SCIN: variants seen among roughly 807,000 people sequenced by gnomAD.
SCIN encodes scinderin.
In SCIN, 91 loss-of-function variants were observed where a neutral mutation model predicts 91.8. The ratio of observed to expected loss-of-function variants is 0.99; its 90% CI spans 0.84 to 1.18. The LOEUF is 1.18. Among genes scored for constraint, SCIN ranks in the 50% most tolerant of loss-of-function variants. The pLI is 0.00. For synonymous variants in SCIN, 367 were observed against 312.6 expected, an observed-to-expected ratio of 1.17 and a Z score of -1.84; for missense variants, 1,087 against 863.9, an observed-to-expected ratio of 1.26 and a Z score of -3.24.
At chr7:12,614,057 G>A (rs1270940589) in intron 4 of SCIN, among the ~76,000 whole-genome samples, 2 of 152,180 alleles carry the variant, frequency 1.3e-5, no homozygotes, top group South Asian at 2.1e-4. Context: ...CTGATAGAGT[G>A]CATGTAGAGA....
At chr7:12,624,693 A>G (rs914746953) in intron 5 of SCIN, among the ~76,000 whole-genome samples, 5 of 152,204 alleles carry the variant, frequency 3.3e-5, no homozygotes, top group African/African-American at 1.2e-4. Context: ...GACCTCAGCC[A>G]TTATTATTAT....
At chr7:12,590,773 G>T (rs1445764102) in intron 3 of SCIN, among the ~76,000 whole-genome samples, 2 of 152,174 alleles carry the variant, frequency 1.3e-5, no homozygotes, top group African/African-American at 4.8e-5. Context: ...GCTGGGAGGT[G>T]TGTGGCCTGA....
intron 4 of SCIN, among the ~76,000 whole-genome samples, chr7:12,606,061 C>G (rs1783075334): frequency 2.0e-5 from 3 of 152,096 alleles, no homozygotes; most frequent in African/African-American, 7.2e-5. Context: ...ATTAAGATGT[C>G]TTCATACGTA....
chr7:12,629,225 G>A lies in SCIN; in HGVS notation c.1319+3G>A, dbSNP rs987825974. 2 of 1,596,966 alleles carry A rather than the reference G, an allele frequency of 1.3e-6. No individual in the cohort carries two copies. Among genetic ancestry groups the A allele is most frequent in the African/African-American group, 1.3e-5 (1 of 74,326 alleles). ...AGAGGACAGATTATCTACACGTGGT[G>A]AGTTTATACGGGTAAAGATCTCGAG... On this transcript the variant is annotated splice_donor_region_variant and intron_variant, in intron 9 of 15. Transcript: ENST00000297029.
Position 12,660,178 on chromosome 7 carries a change from C to G in SCIN, c.*7463C>G, listed in dbSNP as rs1344593431. 1.3e-5 allele frequency: 2 copies of G among 153,328 alleles called. No homozygotes were observed. The highest frequency in any genetic ancestry group is 2.4e-5 in the African/African-American group (1 of 41,448). 9.5% of individuals were successfully genotyped at this position (153,328 alleles called of 1,614,324 possible). ...TGAAATAAACAGCCTTGTTGCTAAC[C>G]CAAAGCCTGTTTGGTGGTCTCTTTA... is the stretch of plus-strand genomic sequence containing the variant. On this transcript the variant is annotated 3_prime_UTR_variant, in exon 16 of 16. Transcript: ENST00000297029.
intron 4 of SCIN, among the ~76,000 whole-genome samples, chr7:12,616,619 C>T (rs754030960): frequency 6.6e-6 from 1 of 152,068 alleles, no homozygotes; most frequent in Non-Finnish European, 1.5e-5. Context: ...AACCTGTTAA[C>T]CATTGTAGAC....
At chr7:12,578,244 A>G in intron 2 of SCIN, 26 bp downstream of exon 2, 1 of 1,535,350 alleles carries the variant, frequency 6.5e-7, no homozygotes, top group Non-Finnish European at 8.8e-7. Flanking sequence ...AGTTTCCATT[A>G]TGAATCCCTT....
intron 11 of SCIN, among the ~76,000 whole-genome samples, chr7:12,641,741 G>T (rs1783863480): frequency 6.6e-6 from 1 of 151,862 alleles, no homozygotes; most frequent in African/African-American, 2.4e-5. Flanking sequence ...GCACATTCTG[G>T]CAATTCTCCA....
Position 12,654,852 on chromosome 7 carries a change from C to T in SCIN, c.*2137C>T, listed in dbSNP as rs1562641055. The T allele has an allele frequency of 6.6e-6, 1 of 152,264 alleles. No homozygotes were observed. The highest frequency in any genetic ancestry group is 3.4e-3 in the Middle Eastern group (1 of 294). 9.4% of individuals were successfully genotyped at this position (152,264 alleles called of 1,614,324 possible). ...GAGAGCCTAAAATGATTATTCAGTT[C>T]TGTTGCAGGGTTTTAACCTGCCCAA... On this transcript the variant is annotated 3_prime_UTR_variant, in exon 16 of 16. Transcript: ENST00000297029.
At chr7:12,585,836 G>C (rs1414887817) in intron 3 of SCIN, among the ~76,000 whole-genome samples, 1 of 152,196 alleles carries the variant, frequency 6.6e-6, no homozygotes, top group Non-Finnish European at 1.5e-5. Context: ...GTTGCAGATG[G>C]ATTCCTTTGC....
intron 9 of SCIN, among the ~76,000 whole-genome samples, chr7:12,633,931 C>T (rs1783695935): frequency 6.6e-6 from 1 of 150,468 alleles, no homozygotes; most frequent in South Asian, 2.1e-4. Context: ...TTAGGGAAAG[C>T]ATTTTTTATT....
chr7:12,585,250 G>A (rs1176552513), intron 3 of SCIN, among the ~76,000 whole-genome samples: 5 of 152,036 alleles, frequency 3.3e-5, no homozygotes, highest in South Asian at 2.1e-4. Flanking sequence ...CATTATGCAC[G>A]TGATTCTTGT....
chr7:12,581,335 AC>A, intron 3 of SCIN, 114 bp downstream of exon 3: 1 of 1,025,682 alleles, frequency 9.7e-7, no homozygotes, highest in South Asian at 1.7e-5. Flanking sequence ...GAAAGGGGCC[AC>A]GTTTATGTGA....
intron 4 of SCIN, among the ~76,000 whole-genome samples, chr7:12,614,736 A>G (rs1783264973): frequency 6.6e-6 from 1 of 152,196 alleles, no homozygotes; most frequent in Non-Finnish European, 1.5e-5. Context: ...AATGTCCCAG[A>G]ACCTGCCTTG....
At chr7:12,625,232 A>G in intron 6 of SCIN, 90 bp downstream of exon 6, 1 of 1,213,196 alleles carries the variant, frequency 8.2e-7, no homozygotes, top group African/African-American at 1.6e-5. Context: ...ATTTTAAAAA[A>G]AAGCCCACCT....
intron 3 of SCIN, among the ~76,000 whole-genome samples, chr7:12,590,691 C>T (rs530599172): frequency 3.3e-5 from 5 of 151,856 alleles, no homozygotes; most frequent in South Asian, 2.1e-4. Context: ...GCTGCCTCAT[C>T]GGCCTTTCTG....
intron 3 of SCIN, among the ~76,000 whole-genome samples, chr7:12,590,126 G>C (rs1284267933): frequency 2.0e-5 from 3 of 152,174 alleles, no homozygotes; most frequent in African/African-American, 7.2e-5. Context: ...TGATTGTATG[G>C]AGCCAGGGAG....
intron 9 of SCIN, among the ~76,000 whole-genome samples, chr7:12,630,728 C>T (rs1028604609): frequency 3.3e-5 from 5 of 152,168 alleles, no homozygotes; most frequent in African/African-American, 9.7e-5. Flanking sequence ...AAGAGTGGAG[C>T]AGGGGAGATT....
At chr7:12,632,494 T>C (rs969659332) in intron 9 of SCIN, among the ~76,000 whole-genome samples, 2 of 152,066 alleles carry the variant, frequency 1.3e-5, no homozygotes, top group African/African-American at 4.8e-5. Flanking sequence ...GGAGGAAGGC[T>C]AGCAACAGGA....
Sources: gnomAD v4.1 joint callset for allele counts (sites outside exome capture counted in the v4.1 genomes callset) on GRCh38, gnomAD v4.1.1 for gene constraint, MANE v1.5 for transcripts, NCBI Gene and HGNC (gene_info 2026-07-23, HGNC 2026-07-21) for gene names.